PTPRM: variants seen among roughly 807,000 people sequenced by gnomAD.
PTPRM encodes protein tyrosine phosphatase receptor type M, also known as receptor-type tyrosine-protein phosphatase mu.
PTPRM carries 47 observed loss-of-function variants against 186.7 expected under a neutral mutation model. That is an observed-to-expected ratio of 0.25 (90% CI 0.20 to 0.32). The LOEUF is 0.32. Ranked by LOEUF, PTPRM falls within the 10% of genes least tolerant of loss-of-function variation. The pLI is 1.00. For synonymous variants in PTPRM, 668 were observed against 674.9 expected, an observed-to-expected ratio of 0.99 and a Z score of 0.16; for missense variants, 1,494 against 1,865.0, an observed-to-expected ratio of 0.80 and a Z score of 3.66.
At chr18:8,117,474 G>A (rs1334848430) in intron 13 of PTPRM, among the ~76,000 whole-genome samples, 2 of 152,026 alleles carry the variant, frequency 1.3e-5, no homozygotes, top group African/African-American at 4.8e-5. Flanking sequence ...TAAAGTAAGG[G>A]TATGTCTCTT....
At chr18:7,926,829 A>G in intron 5 of PTPRM, 146 bp downstream of exon 5, 1 of 477,704 alleles carries the variant, frequency 2.1e-6, no homozygotes. Context: ...TTAGTAATCT[A>G]TAAAAGCTAA....
intron 20 of PTPRM, among the ~76,000 whole-genome samples, chr18:8,296,854 G>A (rs1019562387): frequency 6.6e-6 from 1 of 152,194 alleles, no homozygotes; most frequent in African/African-American, 2.4e-5. Context: ...CATTAATCCT[G>A]TGGACACTGG....
chr18:7,749,926 G>T (rs541958847), intron 1 of PTPRM, among the ~76,000 whole-genome samples: 2 of 152,300 alleles, frequency 1.3e-5, no homozygotes, highest in East Asian at 1.9e-4. Flanking sequence ...TGGGATAAAA[G>T]CCTGTGTTTG....
At chr18:8,119,777 C>T (rs887364184) in intron 13 of PTPRM, among the ~76,000 whole-genome samples, 4 of 152,080 alleles carry the variant, frequency 2.6e-5, no homozygotes, top group East Asian at 1.9e-4. Flanking sequence ...TCCCGCTGCA[C>T]GTAACTGAGA....
At chr18:8,166,814 G>A (rs2093330374) in intron 14 of PTPRM, among the ~76,000 whole-genome samples, 1 of 152,230 alleles carries the variant, frequency 6.6e-6, no homozygotes, top group South Asian at 2.1e-4. Context: ...ACTGAACCAA[G>A]GGGTAAAGCC....
At chr18:8,243,328 G>T (rs1015490212) in intron 14 of PTPRM, among the ~76,000 whole-genome samples, 1 of 152,116 alleles carries the variant, frequency 6.6e-6, no homozygotes, top group Non-Finnish European at 1.5e-5. Context: ...CCTGCTGAAC[G>T]TTGCAGGGAA....
chr18:8,314,276 C>G (rs545427590), intron 20 of PTPRM, among the ~76,000 whole-genome samples: 1 of 152,234 alleles, frequency 6.6e-6, no homozygotes, highest in South Asian at 2.1e-4. Context: ...ATGGTGACAG[C>G]TTTGCTCTTG....
At chr18:7,716,173 A>G (rs928518625) in intron 1 of PTPRM, among the ~76,000 whole-genome samples, 7 of 152,190 alleles carry the variant, frequency 4.6e-5, no homozygotes, top group African/African-American at 1.2e-4. Flanking sequence ...ATATAGACCA[A>G]TGGAACAGAA....
chr18:7,811,208 G>C (rs2044493912), intron 2 of PTPRM, among the ~76,000 whole-genome samples: 1 of 152,206 alleles, frequency 6.6e-6, no homozygotes, highest in Admixed American at 6.5e-5. Flanking sequence ...AACAAGCCTG[G>C]AACTGGTTTC....
chr18:7,886,570 A>T (rs1190326175), intron 2 of PTPRM, among the ~76,000 whole-genome samples: 1 of 152,082 alleles, frequency 6.6e-6, no homozygotes, highest in Non-Finnish European at 1.5e-5. Context: ...TTTTTTTCAT[A>T]TGTGTTCAAA....
At chr18:8,175,560 C>T (rs2093468715) in intron 14 of PTPRM, among the ~76,000 whole-genome samples, 2 of 152,200 alleles carry the variant, frequency 1.3e-5, no homozygotes, top group African/African-American at 4.8e-5. Flanking sequence ...TACTTCCCAA[C>T]TTTCAGCATT....
chr18:8,077,678 C>T (rs942753738), intron 9 of PTPRM, among the ~76,000 whole-genome samples: 4 of 152,004 alleles, frequency 2.6e-5, no homozygotes, highest in African/African-American at 9.7e-5. Flanking sequence ...TTTTTGGCCC[C>T]ATTGCCATTT....
chr18:8,220,428 A>C (rs2094141350), intron 14 of PTPRM, among the ~76,000 whole-genome samples: 1 of 152,232 alleles, frequency 6.6e-6, no homozygotes, highest in Non-Finnish European at 1.5e-5. Flanking sequence ...ACACACATAT[A>C]TCCCACAAAG....
chr18:7,634,242 T>C (rs997937046), intron 1 of PTPRM, among the ~76,000 whole-genome samples: 31 of 152,268 alleles, frequency 2.0e-4, no homozygotes, highest in Non-Finnish European at 3.8e-4. Context: ...ATTTTTTTTT[T>C]CCCATTTTGT....
At chr18:8,121,997 AC>A (rs2092192089) in intron 13 of PTPRM, 1 of 151,898 alleles carries the variant, frequency 6.6e-6, no homozygotes. Flanking sequence ...TCTCAGCCAA[AC>A]CTTGCAACTG....
At chr18:8,040,484 C>T (rs1452029426) in intron 7 of PTPRM, among the ~76,000 whole-genome samples, 1 of 151,976 alleles carries the variant, frequency 6.6e-6, no homozygotes, top group South Asian at 2.1e-4. Flanking sequence ...TCATTGAAAG[C>T]GGTAAGATTT....
chr18:7,667,189 TGTA>T (rs899279706), intron 1 of PTPRM, among the ~76,000 whole-genome samples: 13 of 152,338 alleles, frequency 8.5e-5, no homozygotes, highest in East Asian at 1.9e-4. Flanking sequence ...AATTAATAGT[TGTA>T]GTAATTAGAT....
At chr18:7,949,065 A>G (rs1265536226) in intron 5 of PTPRM, 116 bp from the exon 6 acceptor site, 2 of 996,198 alleles carry the variant, frequency 2.0e-6, no homozygotes, top group African/African-American at 3.2e-5. Context: ...GGTAATAAGC[A>G]ACTGCACCAA....
chr18:7,727,085 G>A (rs1367656943), intron 1 of PTPRM, among the ~76,000 whole-genome samples: 2 of 151,976 alleles, frequency 1.3e-5, no homozygotes, highest in African/African-American at 4.8e-5. Context: ...GTCAATTAGA[G>A]CTGTGAAATA....
Sources: gnomAD v4.1 joint callset for allele counts (sites outside exome capture counted in the v4.1 genomes callset) on GRCh38, gnomAD v4.1.1 for gene constraint, MANE v1.5 for transcripts, NCBI Gene and HGNC (gene_info 2026-07-23, HGNC 2026-07-21) for gene names.